The following APBB1 variants were observed in gnomAD, a reference collection of about 807,000 sequenced individuals.
The protein encoded by APBB1 is amyloid beta precursor protein binding family B member 1.
A neutral mutation model predicts 78.4 loss-of-function variants in APBB1; 22 were observed. The observed-to-expected ratio is 0.28, with a 90% confidence interval of 0.20 to 0.40. The LOEUF (loss-of-function observed/expected upper bound fraction) is 0.40. Among genes scored for constraint, APBB1 ranks in the 10% least tolerant of loss-of-function variants. The pLI is 1.00. For synonymous variants in APBB1, 369 were observed against 372.7 expected (o/e 0.99, Z 0.12); for missense variants, 749 against 932.4 (o/e 0.80, Z 2.56).
chr11:6,396,060 A>G (rs1444075281), intron 13 of APBB1, 40 bp downstream of exon 13: 4 of 1,599,092 alleles, frequency 2.5e-6, no homozygotes, highest in African/African-American at 1.3e-5. Flanking sequence ...TCTCCCCTCT[A>G]TGGCAAGGCG....
At chr11:6,415,033 C>A (rs979658373) in intron 1 of APBB1, among the ~76,000 whole-genome samples, 2 of 152,226 alleles carry the variant, frequency 1.3e-5, no homozygotes, top group Admixed American at 1.3e-4. Flanking sequence ...AATGGTGAAA[C>A]TGTTTAAGTG....
intron 12 of APBB1, among the ~76,000 whole-genome samples, chr11:6,399,534 C>T (rs1336221129): frequency 6.6e-6 from 1 of 152,192 alleles, no homozygotes; most frequent in East Asian, 1.9e-4. Flanking sequence ...CTTGAATCCA[C>T]GCACTCTTCT....
intron 12 of APBB1, among the ~76,000 whole-genome samples, chr11:6,399,983 A>C (rs1163254406): frequency 1.4e-5 from 2 of 141,864 alleles, no homozygotes; most frequent in African/African-American, 5.3e-5. Flanking sequence ...GAAGTCTTTT[A>C]CAACCTCAGA....
At position 6,411,934 on chromosome 11, in the gene APBB1, T is replaced by C. The variant is rs999561772; in HGVS notation, c.-14-573A>G. ...GCTGCAGAACCAGCCCTACAGGGCATGGCACTGGAAGGCAGGTCACAGAGG... is the reference window on the plus strand; with the variant it reads ...GCTGCAGAACCAGCCCTACAGGGCACGGCACTGGAAGGCAGGTCACAGAGG... On this transcript the variant is annotated intron_variant, in intron 1 of 14. Transcript: ENST00000609360. The surrounding 1 kb of genome is among the most constrained non-coding windows in gnomAD (Gnocchi z 5.2). Among the ~76,000 whole-genome samples, 8 of 152,180 alleles carry C rather than the reference T, an allele frequency of 5.3e-5. No individual in the cohort carries two copies. Among genetic ancestry groups the C allele is most frequent in the Admixed American group, 6.5e-5 (1 of 15,284 alleles).
At chr11:6,404,196 C>T in intron 2 of APBB1, 2 of 374,356 alleles carry the variant, frequency 5.3e-6, no homozygotes, top group Non-Finnish European at 9.7e-6. Context: ...TGCACACGTA[C>T]ATGTATACAC....
rs753239888 is a variant in APBB1 at position 6,402,657 on chromosome 11, A to T, written c.1173T>A (p.Ser391Arg). 6.2e-7 allele frequency: 1 copy of T among 1,614,028 alleles called. No individual in the cohort carries two copies. The highest frequency in any genetic ancestry group is 1.1e-5 in the South Asian group (1 of 91,082). Residue 391 changes from serine (S) to arginine (R), a missense_variant, in exon 7 of 15, where the codon AGT (serine) becomes AGA (arginine). Physicochemically the swap from Ser to Arg is moderately radical, Grantham distance 110 (BLOSUM62 -1). Coordinates refer to ENST00000609360, the MANE Select transcript of APBB1 (RefSeq NM_001164.5). ...GACGGATGCAATTGTTGACTGCCAC[A>T]CTGCTGCGTCCAGGGGCCAGCTCCT... ...TEEELAPGRS[S>R]VAVNNCIRQL...
In APBB1 at chr11:6,403,274, A is replaced by T; in HGVS notation, c.1040+45T>A. 6.2e-7 allele frequency: 1 copy of T among 1,612,090 alleles called. No individual in the cohort carries two copies. The highest frequency in any genetic ancestry group is 8.5e-7 in the Non-Finnish European group (1 of 1,178,780). On this transcript the variant is annotated intron_variant, in intron 5 of 14. Transcript: ENST00000609360. The surrounding 1 kb of genome is among the most constrained non-coding windows in gnomAD (Gnocchi z 5.3). ...ATGGAGCTGTCCCAAGGCCCCTTCC[A>T]GACAGATCCATCCCACTGCCAGCTC...
At chr11:6,410,604 C>T (rs1848933436) in intron 2 of APBB1, 23 bp downstream of exon 2, 2 of 1,509,834 alleles carry the variant, frequency 1.3e-6, no homozygotes, top group Admixed American at 4.6e-5. Context: ...TCCCACATGC[C>T]CATGTCAAGC....
Position 6,403,168 on chromosome 11 carries a change from G to T in APBB1, c.1081C>A (p.Arg361=), listed in dbSNP as rs373569914. 6.2e-7 allele frequency: 1 copy of T among 1,613,054 alleles called. No individual in the cohort carries two copies. Among genetic ancestry groups the T allele is most frequent in the African/African-American group, 1.3e-5 (1 of 74,882 alleles). The change falls in exon 6 of 15, where the codon CGG becomes AGG. Residue 361 remains arginine (R), a synonymous_variant. Coordinates refer to ENST00000609360, the MANE Select transcript of APBB1 (RefSeq NM_001164.5). This position sits in a 1 kb window ranked among gnomAD's most constrained non-coding sequence, Gnocchi z 5.3. Reference sequence around the variant, plus strand: ...ACCTTGATCCCTGGGTTGGTATTCCGTGGGGGAAGCTTCTCCTCCTCTTGG... The same window carrying T: ...ACCTTGATCCCTGGGTTGGTATTCCTTGGGGGAAGCTTCTCCTCCTCTTGG... ...LPQEEEKLPP[R]NTNPGIKCFA...
At chr11:6,409,907 A>C (rs1848914855) in intron 2 of APBB1, among the ~76,000 whole-genome samples, 1 of 152,194 alleles carries the variant, frequency 6.6e-6, no homozygotes, top group Non-Finnish European at 1.5e-5. Flanking sequence ...ACTTTTAGTC[A>C]ATATCCTACT....
chr11:6,398,908 C>G (rs1214246605), intron 12 of APBB1, among the ~76,000 whole-genome samples: 1 of 152,222 alleles, frequency 6.6e-6, no homozygotes, highest in Non-Finnish European at 1.5e-5. Context: ...CCAGGTCTAG[C>G]TTTCCTGGCC....
In APBB1 at chr11:6,410,715, G is replaced by C. The variant is rs375729861; in HGVS notation, c.633C>G (p.Gly211=). Residue 211 remains glycine (G), a synonymous_variant, in exon 2 of 15, where the codon GGC becomes GGG. Coordinates refer to ENST00000609360, the MANE Select transcript of APBB1 (RefSeq NM_001164.5). ...CATCACTGGCTGCACTGTTCCGCATGCCAAACAGGAGGCTGGCACTCTTGC... is the reference window on the plus strand; with the variant it reads ...CATCACTGGCTGCACTGTTCCGCATCCCAAACAGGAGGCTGGCACTCTTGC... The part of the protein sequence containing the change: ...EHSKSASLLF[G]MRNSAASDED... The C allele has an allele frequency of 7.7e-6, 12 of 1,553,020 alleles. No individual in the cohort carries two copies. The African/African-American group carries it at 1.6e-4, about 21-fold the overall frequency.
At chr11:6,417,587 C>G (rs1182214062) in intron 1 of APBB1, among the ~76,000 whole-genome samples, 1 of 152,092 alleles carries the variant, frequency 6.6e-6, no homozygotes, top group Non-Finnish European at 1.5e-5. Context: ...ACTCTGGGTA[C>G]TGTGTTGAGA....
In APBB1 at chr11:6,402,720, G is replaced by A. The variant is rs765356900; in HGVS notation, c.1110C>T (p.Phe370=). The change falls in exon 7 of 15, where the codon TTC becomes TTT. Residue 370 remains phenylalanine (F), a synonymous_variant. Coordinates refer to ENST00000609360, the MANE Select transcript of APBB1 (RefSeq NM_001164.5). The stretch of plus-strand genomic sequence containing the variant: ...CTACCCAGCCTAGGGAGCGCACGGC[G>A]AAACACTGCCAGACACAGAAGAGGG... The part of the protein sequence containing the change: ...PRNTNPGIKC[F]AVRSLGWVEM... The A allele has an allele frequency of 4.5e-5, 73 of 1,613,978 alleles. No individual in the cohort carries two copies. Among genetic ancestry groups the A allele is most frequent in the South Asian group, 6.6e-5 (6 of 91,082 alleles).
Position 6,402,576 on chromosome 11 carries a change from T to C in APBB1, c.1254A>G (p.Glu418=). 5.0e-6 allele frequency: 8 copies of C among 1,613,880 alleles called. No homozygotes were observed. The highest frequency in any genetic ancestry group is 1.7e-5 in the Admixed American group (1 of 60,012). The change falls in exon 7 of 15, where the codon GAA becomes GAG. Residue 418 remains glutamate (E), a splice_region_variant and synonymous_variant. Transcript: ENST00000609360. ...CCCTACCCCCGGCTCAGGTCCTTAC[T>C]TCCCCCCAGCCCCCAGACATGGGGT... ...LHDPMSGGWG[E]GKDLLLQLED... is the part of the protein sequence containing the mutation.
chr11:6,403,566 G>A lies in APBB1; in HGVS notation c.898-22C>T, dbSNP rs1345542637. ...TGAGCTAGGAGGAGGGATGGGAGTA[G>A]TGAGTGAGTGTCCTATCCTACTCCA... On this transcript the variant is annotated intron_variant, in intron 3 of 14. Coordinates refer to ENST00000609360, the MANE Select transcript of APBB1 (RefSeq NM_001164.5). The surrounding 1 kb of genome is among the most constrained non-coding windows in gnomAD (Gnocchi z 5.3). 6.8e-6 allele frequency: 11 copies of A among 1,610,572 alleles called. No individual in the cohort carries two copies. Among genetic ancestry groups the A allele is most frequent in the Non-Finnish European group, 9.3e-6 (11 of 1,176,944 alleles).
intron 7 of APBB1, 82 bp from the exon 8 acceptor site, chr11:6,402,291 TA>T: frequency 6.4e-7 from 1 of 1,566,112 alleles, no homozygotes; most frequent in Non-Finnish European, 8.6e-7. Context: ...CAGGGGATGT[TA>T]GCCACAGCTC....
At position 6,411,054 on chromosome 11, in the gene APBB1, C is replaced by T. The variant is rs1848951636; in HGVS notation, c.294G>A (p.Glu98=). The T allele has an allele frequency of 6.2e-7, 1 of 1,614,018 alleles. No individual in the cohort carries two copies. The highest frequency in any genetic ancestry group is 8.5e-7 in the Non-Finnish European group (1 of 1,180,030). ...GTGCCATCTCAGGCTCCTGGCTGGC[C>T]TCCTCCGCCAAGGTCAAGGTCACAT... The part of the protein sequence containing the change: ...NRNVTLTLAE[E]ASQEPEMAPL... The change falls in exon 2 of 15, where the codon GAG becomes GAA. Residue 98 remains glutamate (E), a synonymous_variant. Transcript: ENST00000609360. This position sits in a 1 kb window ranked among gnomAD's most constrained non-coding sequence, Gnocchi z 5.2.
Position 6,403,188 on chromosome 11 carries a change from T to C in APBB1, c.1061A>G (p.Glu354Gly). Reference sequence around the variant, plus strand: ...ATTCCGTGGGGGAAGCTTCTCCTCCTCTTGGGGCAACGGCTCTGGGCTGAA... The same window carrying C: ...ATTCCGTGGGGGAAGCTTCTCCTCCCCTTGGGGCAACGGCTCTGGGCTGAA... ...QSLSPEPLPQ[E>G]EEKLPPRNTN... Residue 354 changes from glutamate (E) to glycine (G), a missense_variant, in exon 6 of 15, where the codon GAG (glutamate) becomes GGG (glycine). This residue lies in a region of APBB1 where 635 missense variants were observed against 765.0 expected (regional missense o/e 0.83). Transcript: ENST00000609360. This position sits in a 1 kb window ranked among gnomAD's most constrained non-coding sequence, Gnocchi z 5.3. 6.2e-7 allele frequency: 1 copy of C among 1,613,518 alleles called. No individual in the cohort carries two copies. Among genetic ancestry groups the C allele is most frequent in the South Asian group, 1.1e-5 (1 of 90,956 alleles).
Sources: gnomAD v4.1 joint callset for allele counts (sites outside exome capture counted in the v4.1 genomes callset) on GRCh38, gnomAD v4.1.1 for gene constraint, gnomAD v4.1.1 regional missense constraint, Gnocchi (gnomAD v3.1) non-coding constraint, MANE v1.5 for transcripts, NCBI Gene and HGNC (gene_info 2026-07-23, HGNC 2026-07-21) for gene names.